Variants in SV2C observed in about 807,000 individuals in gnomAD.
The protein encoded by SV2C is synaptic vesicle glycoprotein 2C.
A neutral mutation model predicts 79.7 loss-of-function variants in SV2C; 49 were observed. The observed-to-expected ratio is 0.61, with a 90% CI of 0.49 to 0.78. The LOEUF (loss-of-function observed/expected upper bound fraction) is 0.78. SV2C is among the 30% of genes least tolerant of loss of function. The pLI, the probability that SV2C is intolerant of heterozygous loss-of-function variation, is 0.00. For synonymous variants in SV2C, 334 were observed against 333.2 expected, an observed-to-expected ratio of 1.00 and a Z score of -0.03; for missense variants, 833 against 912.9, an observed-to-expected ratio of 0.91 and a Z score of 1.13.
chr5:75,945,331 T>C, the SV2C span, among the ~76,000 whole-genome samples: 61 of 152,024 alleles, frequency 4.0e-4, no homozygotes, highest in Non-Finnish European at 7.2e-4. Context: ...CTCTCTTTTT[T>C]TTTGACACAG....
At chr5:75,935,919 AT>A in the SV2C span, among the ~76,000 whole-genome samples, 1 of 152,228 alleles carries the variant, frequency 6.6e-6, no homozygotes, top group Non-Finnish European at 1.5e-5. Context: ...TAAAACAGAA[AT>A]AAAAAGTTAT....
At chr5:76,122,498 G>T (rs1183712867) in intron 1 of SV2C, among the ~76,000 whole-genome samples, 1 of 152,044 alleles carries the variant, frequency 6.6e-6, no homozygotes, top group African/African-American at 2.4e-5. Flanking sequence ...TATGATATTG[G>T]CTGTGGGTTT....
chr5:75,952,456 C>T, the SV2C span, among the ~76,000 whole-genome samples: 2 of 151,874 alleles, frequency 1.3e-5, no homozygotes, highest in African/African-American at 4.8e-5. Context: ...TCTGTGTCCC[C>T]TCCAAATCTC....
chr5:75,886,031 G>C, the SV2C span, among the ~76,000 whole-genome samples: 3 of 152,102 alleles, frequency 2.0e-5, no homozygotes, highest in African/African-American at 7.2e-5. Flanking sequence ...GTGGAACTGA[G>C]GGCCTTGGGC....
the SV2C span, among the ~76,000 whole-genome samples, chr5:75,901,743 A>C: frequency 1.3e-5 from 2 of 152,352 alleles, no homozygotes; most frequent in African/African-American, 4.8e-5. Context: ...GGTTCCACCC[A>C]GTTGGAGCTT....
At chr5:76,136,796 G>A (rs530030639) in intron 2 of SV2C, among the ~76,000 whole-genome samples, 1 of 152,308 alleles carries the variant, frequency 6.6e-6, no homozygotes, top group Non-Finnish European at 1.5e-5. Flanking sequence ...TGGCACTTCG[G>A]GAAGATGTTA....
At chr5:75,904,112 C>G in the SV2C span, among the ~76,000 whole-genome samples, 2 of 152,142 alleles carry the variant, frequency 1.3e-5, no homozygotes, top group Non-Finnish European at 2.9e-5. Context: ...GTGCTCTTCA[C>G]AGCTCAGTAA....
intron 12 of SV2C, among the ~76,000 whole-genome samples, chr5:76,312,824 G>C (rs750494522): frequency 2.6e-5 from 4 of 152,192 alleles, no homozygotes; most frequent in Non-Finnish European, 4.4e-5. Context: ...CACACCTGCC[G>C]ATCCCTGAGA....
intron 10 of SV2C, among the ~76,000 whole-genome samples, chr5:76,299,369 A>G (rs1379549379): frequency 6.6e-6 from 1 of 152,352 alleles, no homozygotes; most frequent in South Asian, 2.1e-4. Flanking sequence ...GGGAAAAAAA[A>G]GGAAGGCAAA....
the SV2C span, among the ~76,000 whole-genome samples, chr5:75,997,564 T>C: frequency 2.0e-5 from 3 of 152,098 alleles, no homozygotes; most frequent in Admixed American, 6.6e-5. Flanking sequence ...AGAAGACATT[T>C]ATGCAACCAA....
At chr5:76,179,823 A>G (rs997365113) in intron 2 of SV2C, among the ~76,000 whole-genome samples, 3 of 152,270 alleles carry the variant, frequency 2.0e-5, no homozygotes, top group African/African-American at 7.2e-5. Flanking sequence ...TTCAGGAAAC[A>G]AAAGGTCACA....
chr5:75,915,642 C>T, the SV2C span, among the ~76,000 whole-genome samples: 1 of 152,188 alleles, frequency 6.6e-6, no homozygotes, highest in Non-Finnish European at 1.5e-5. Flanking sequence ...CGAGAAGGAA[C>T]ATGCAGTCTC....
At chr5:75,897,253 A>C in the SV2C span, among the ~76,000 whole-genome samples, 1 of 151,674 alleles carries the variant, frequency 6.6e-6, no homozygotes, top group East Asian at 1.9e-4. Flanking sequence ...TATAAGGTGT[A>C]AGGAAGGGAT....
intron 12 of SV2C, among the ~76,000 whole-genome samples, chr5:76,350,189 A>G (rs1348005806): frequency 6.6e-6 from 1 of 152,174 alleles, no homozygotes; most frequent in Non-Finnish European, 1.5e-5. Flanking sequence ...TGCCCTCCAT[A>G]CATGTGATTT....
chr5:76,049,686 G>A, the SV2C span, among the ~76,000 whole-genome samples: 19 of 152,308 alleles, frequency 1.2e-4, no homozygotes, highest in East Asian at 3.9e-4. Context: ...TAAGTTGTTT[G>A]TAGGTTATTG....
chr5:76,180,341 T>C (rs4703697), intron 2 of SV2C, among the ~76,000 whole-genome samples: 105,212 of 152,158 alleles, frequency 0.69, 37,518 homozygotes, highest in East Asian at 0.97. Context: ...AAGATTAATA[T>C]ATTTCTCATA....
intron 12 of SV2C, among the ~76,000 whole-genome samples, chr5:76,342,454 A>T (rs890638571): frequency 3.9e-5 from 6 of 152,346 alleles, no homozygotes; most frequent in African/African-American, 1.4e-4. Flanking sequence ...GGAGAAAATG[A>T]ATAATTTACG....
chr5:76,298,706 C>T (rs557802583), intron 9 of SV2C, 88 bp from the exon 10 acceptor site: 1 of 1,452,380 alleles, frequency 6.9e-7, no homozygotes, highest in African/African-American at 1.4e-5. Context: ...CATAGTGGGG[C>T]ATTCCATCTC....
the SV2C span, among the ~76,000 whole-genome samples, chr5:75,995,375 T>C: frequency 6.6e-6 from 1 of 152,090 alleles, no homozygotes; most frequent in Admixed American, 6.6e-5. Flanking sequence ...TCAACTAAAC[T>C]GAGGCATGGG....
Sources: gnomAD v4.1 joint callset for allele counts (sites outside exome capture counted in the v4.1 genomes callset) on GRCh38, gnomAD v4.1.1 for gene constraint, MANE v1.5 for transcripts, NCBI Gene and HGNC (gene_info 2026-07-23, HGNC 2026-07-21) for gene names.